The following HSD17B2 variants were observed in gnomAD, a reference collection of about 807,000 sequenced individuals.
HSD17B2 encodes the protein 17-beta-hydroxysteroid dehydrogenase type 2.
Under a neutral mutation model 26.9 loss-of-function variants are expected in HSD17B2, and 32 were observed. The ratio of observed to expected loss-of-function variants is 1.19; its 90% CI spans 0.90 to 1.60. The LOEUF is 1.60. HSD17B2 is among the 40% of genes most tolerant of loss of function. HSD17B2 has a pLI of 0.00. For synonymous variants in HSD17B2, 246 were observed against 186.7 expected, an observed-to-expected ratio of 1.32 and a Z score of -2.59; for missense variants, 613 against 468.6, an observed-to-expected ratio of 1.31 and a Z score of -2.85.
At chr16:82,092,379 C>T (rs373825334) in intron 4 of HSD17B2, 1 of 152,146 alleles carries the variant, frequency 6.6e-6, no homozygotes, top group African/African-American at 2.4e-5. Flanking sequence ...TCTGGGCCAT[C>T]AAACATTTAA....
intron 1 of HSD17B2, among the ~76,000 whole-genome samples, chr16:82,054,087 A>G (rs1351530053): frequency 6.6e-6 from 1 of 152,032 alleles, no homozygotes; most frequent in East Asian, 1.9e-4. Flanking sequence ...TCTTTCTCCA[A>G]GTCACCTCTG....
intron 1 of HSD17B2, among the ~76,000 whole-genome samples, chr16:82,060,729 G>A (rs1452289837): frequency 2.0e-5 from 3 of 152,110 alleles, no homozygotes; most frequent in Non-Finnish European, 2.9e-5. Context: ...TACCAACCCC[G>A]TAAGCACCTC....
Position 82,068,372 on chromosome 16 carries a change from G to T in HSD17B2, c.468G>T (p.Leu156=), listed in dbSNP as rs1242016624. Residue 156 remains leucine, a synonymous_variant, in exon 2 of 5, where the codon CTG becomes CTT. Coordinates refer to ENST00000199936, the MANE Select transcript of HSD17B2 (RefSeq NM_002153.3). ...CTTACAGCAAGGTTGCAGCAATGCT[G>T]CAGGACAGAGGTACTGCCGCCAGCA... ...KDAYSKVAAM[L]QDRGLWAVIN... 1.2e-6 allele frequency: 2 copies of T among 1,611,278 alleles called. No individual in the cohort carries two copies. Among genetic ancestry groups the T allele is most frequent in the Non-Finnish European group, 1.7e-6 (2 of 1,179,306 alleles).
At chr16:82,042,864 A>G (rs1197256081) in intron 1 of HSD17B2, among the ~76,000 whole-genome samples, 1 of 151,948 alleles carries the variant, frequency 6.6e-6, no homozygotes, top group Non-Finnish European at 1.5e-5. Context: ...CAGCTAATCC[A>G]CCTGCCTCGG....
chr16:82,073,854 A>G (rs1914753247), intron 3 of HSD17B2, among the ~76,000 whole-genome samples: 1 of 152,208 alleles, frequency 6.6e-6, no homozygotes, highest in African/African-American at 2.4e-5. Context: ...AAAAAGATTT[A>G]AAAATTAATA....
At chr16:82,055,849 T>C (rs570983190) in intron 1 of HSD17B2, among the ~76,000 whole-genome samples, 103 of 152,240 alleles carry the variant, frequency 6.8e-4, no homozygotes, top group African/African-American at 2.3e-3. Flanking sequence ...GGGTGGCGAA[T>C]TGGTTTCCTC....
intron 1 of HSD17B2, among the ~76,000 whole-genome samples, chr16:82,067,109 G>C (rs1245320577): frequency 6.6e-6 from 1 of 152,176 alleles, no homozygotes; most frequent in Non-Finnish European, 1.5e-5. Context: ...CCTGTTGTTA[G>C]CTTGGAAGCG....
At chr16:82,071,220 C>A in intron 3 of HSD17B2, 93 bp downstream of exon 3, 1 of 1,238,558 alleles carries the variant, frequency 8.1e-7, no homozygotes, top group Non-Finnish European at 1.2e-6. Flanking sequence ...GCAGGGCATG[C>A]AAAGGCAGGG....
At chr16:82,070,103 C>A (rs1914663501) in intron 2 of HSD17B2, among the ~76,000 whole-genome samples, 1 of 152,198 alleles carries the variant, frequency 6.6e-6, no homozygotes, top group Admixed American at 6.5e-5. Context: ...CCCTTATACT[C>A]CAGAGGCTTC....
chr16:82,090,222 G>A lies in HSD17B2; in HGVS notation c.665-680G>A, dbSNP rs1348493555. On this transcript the variant is annotated intron_variant, in intron 3 of 4. Coordinates refer to ENST00000199936, the MANE Select transcript of HSD17B2 (RefSeq NM_002153.3). ...CCCCACAAAAAGATATGTTTACCAGGAACCTCAGAAGGTATGTTGGTCAGG... is the reference window on the plus strand; with the variant it reads ...CCCCACAAAAAGATATGTTTACCAGAAACCTCAGAAGGTATGTTGGTCAGG... 5 of 977,162 alleles carry A rather than the reference G, an allele frequency of 5.1e-6. No homozygotes were observed. In the African/African-American group the frequency reaches 9.0e-5, roughly 18 times the overall value. 60.5% of individuals were successfully genotyped at this position (977,162 alleles called of 1,614,324 possible). A position where few individuals can be genotyped will look rare whatever the true frequency, so the allele number is the denominator to read the frequency against.
In HSD17B2 at chr16:82,080,140, T is replaced by C. The variant is rs2955158; in HGVS notation, c.664+9013T>C. On this transcript the variant is annotated intron_variant, in intron 3 of 4. Transcript: ENST00000199936. Reference sequence around the variant, plus strand: ...TTGATGACTCTGTTCCAGTTATTCATTGCTGCAGAGTAAATAACCCTGAAG... The same window carrying C: ...TTGATGACTCTGTTCCAGTTATTCACTGCTGCAGAGTAAATAACCCTGAAG... Among the ~76,000 whole-genome samples the C allele has an allele frequency of 4.4e-3, 677 of 152,306 alleles. 10 individuals carry two copies. Among genetic ancestry groups the C allele is most frequent in the African/African-American group, 0.015 (637 of 41,544 alleles).
At chr16:82,047,507 G>C (rs1913969775) in intron 1 of HSD17B2, among the ~76,000 whole-genome samples, 1 of 152,212 alleles carries the variant, frequency 6.6e-6, no homozygotes, top group Non-Finnish European at 1.5e-5. Flanking sequence ...TTGCAGTATA[G>C]AGGAGCAGGT....
Position 82,078,919 on chromosome 16 carries a change from G to T in HSD17B2, c.664+7792G>T, listed in dbSNP as rs140298995. ...GGAGGGGGAAGTAGGAATGGTTAAT[G>T]GGTACAAAAAATAGAACGAATGAAT... On this transcript the variant is annotated intron_variant, in intron 3 of 4. Transcript: ENST00000199936. 4.1e-4 allele frequency among the ~76,000 whole-genome samples: 62 copies of T among 152,290 alleles called. 2 individuals carry two copies. The highest frequency in any genetic ancestry group is 1.5e-3 in the African/African-American group (61 of 41,568).
intron 1 of HSD17B2, among the ~76,000 whole-genome samples, chr16:82,058,214 G>T (rs1172374942): frequency 6.6e-6 from 1 of 152,074 alleles, no homozygotes; most frequent in Admixed American, 6.5e-5. Context: ...GGGGCCAGGG[G>T]CGTATGCCAG....
chr16:82,072,691 T>C (rs1338791631), intron 3 of HSD17B2, among the ~76,000 whole-genome samples: 5 of 152,120 alleles, frequency 3.3e-5, no homozygotes, highest in African/African-American at 1.2e-4. Context: ...GCTCAGTTAA[T>C]CAGTGAAGAA....
At chr16:82,038,267 TACATATTTGTCTTCAAG>T (rs1365009427) in intron 1 of HSD17B2, among the ~76,000 whole-genome samples, 2 of 152,254 alleles carry the variant, frequency 1.3e-5, no homozygotes, top group Non-Finnish European at 2.9e-5. Context: ...AGTGTTTGAA[TACATATTTGTCTTCAAG>T]ATACCTGAAA....
intron 3 of HSD17B2, among the ~76,000 whole-genome samples, chr16:82,084,291 A>G (rs1264858223): frequency 6.6e-6 from 1 of 152,084 alleles, no homozygotes; most frequent in African/African-American, 2.4e-5. Context: ...GGGGTGTTTA[A>G]CAGCATATGT....
intron 1 of HSD17B2, among the ~76,000 whole-genome samples, chr16:82,065,040 A>T (rs1253107471): frequency 6.6e-6 from 1 of 152,234 alleles, no homozygotes; most frequent in African/African-American, 2.4e-5. Context: ...AGGTGGAGTT[A>T]CACAGGACAA....
chr16:82,093,790 G>C (rs974982084), intron 4 of HSD17B2: 7 of 152,336 alleles, frequency 4.6e-5, no homozygotes, highest in Non-Finnish European at 8.8e-5. Context: ...TGGACTGCTT[G>C]ACTGAGTATA....
Sources: gnomAD v4.1 joint callset for allele counts (sites outside exome capture counted in the v4.1 genomes callset) on GRCh38, gnomAD v4.1.1 for gene constraint, MANE v1.5 for transcripts, NCBI Gene and HGNC (gene_info 2026-07-23, HGNC 2026-07-21) for gene names.